MACROD2: variants seen among roughly 807,000 people sequenced by gnomAD.
MACROD2 encodes mono-ADP ribosylhydrolase 2, also known as ADP-ribose glycohydrolase MACROD2.
A neutral mutation model predicts 70.4 loss-of-function variants in MACROD2; 36 were observed. The ratio of observed to expected loss-of-function variants is 0.51; its 90% CI spans 0.39 to 0.68. MACROD2 has a LOEUF of 0.68. Among genes scored for constraint, MACROD2 ranks in the 30% least tolerant of loss-of-function variants. The pLI is 0.00. For synonymous variants in MACROD2, 172 were observed against 178.8 expected (o/e 0.96, Z 0.30); for missense variants, 496 against 538.4 (o/e 0.92, Z 0.78).
At chr20:15,033,957 A>G (rs1292198610) in intron 5 of MACROD2, among the ~76,000 whole-genome samples, 2 of 152,200 alleles carry the variant, frequency 1.3e-5, no homozygotes, top group Non-Finnish European at 2.9e-5. Flanking sequence ...GGCAAATGAT[A>G]GTCTAACAAC....
At chr20:14,877,732 A>G (rs761846473) in intron 5 of MACROD2, among the ~76,000 whole-genome samples, 1 of 152,066 alleles carries the variant, frequency 6.6e-6, no homozygotes, top group Non-Finnish European at 1.5e-5. Context: ...TGAGAGGATC[A>G]TATGGTTTTT....
At chr20:15,557,207 A>G (rs1280417224) in intron 8 of MACROD2, among the ~76,000 whole-genome samples, 1 of 145,200 alleles carries the variant, frequency 6.9e-6, no homozygotes, top group Non-Finnish European at 1.5e-5. Flanking sequence ...AAATTTGGAG[A>G]TTCCTTAAAA....
intron 5 of MACROD2, among the ~76,000 whole-genome samples, chr20:15,036,952 T>A (rs1336006449): frequency 6.6e-6 from 1 of 151,712 alleles, no homozygotes; most frequent in East Asian, 1.9e-4. Flanking sequence ...TAATAGATAA[T>A]TATAAAATAA....
intron 8 of MACROD2, among the ~76,000 whole-genome samples, chr20:15,858,628 A>G (rs1436113413): frequency 6.6e-6 from 1 of 152,186 alleles, no homozygotes; most frequent in Non-Finnish European, 1.5e-5. Context: ...ATTTAGCAGG[A>G]TTGACCTGTT....
At chr20:14,677,987 A>C (rs1197488415) in intron 4 of MACROD2, among the ~76,000 whole-genome samples, 4 of 152,238 alleles carry the variant, frequency 2.6e-5, no homozygotes, top group African/African-American at 9.6e-5. Flanking sequence ...GTATTTGTTA[A>C]GGCAAACTGG....
intron 6 of MACROD2, among the ~76,000 whole-genome samples, chr20:15,367,683 CAA>C (rs2045431016): frequency 6.6e-6 from 1 of 151,852 alleles, no homozygotes; most frequent in South Asian, 2.1e-4. Context: ...ATTATAAAAG[CAA>C]AGATTTTTTT....
intron 13 of MACROD2, among the ~76,000 whole-genome samples, chr20:15,979,612 T>G (rs991042669): frequency 2.0e-5 from 3 of 152,144 alleles, no homozygotes; most frequent in African/African-American, 7.2e-5. Context: ...TCTAGAATGT[T>G]TTTTAAAAAA....
chr20:14,215,508 T>C (rs2081613368), intron 3 of MACROD2, among the ~76,000 whole-genome samples: 1 of 152,130 alleles, frequency 6.6e-6, no homozygotes, highest in Non-Finnish European at 1.5e-5. Flanking sequence ...CTTATTTTCC[T>C]CTGGGTAGGT....
At chr20:14,006,656 A>G (rs1382035015) in intron 2 of MACROD2, among the ~76,000 whole-genome samples, 2 of 152,164 alleles carry the variant, frequency 1.3e-5, no homozygotes, top group African/African-American at 2.4e-5. Flanking sequence ...CAAGGTCCAT[A>G]TATTGCATTT....
intron 10 of MACROD2, among the ~76,000 whole-genome samples, chr20:15,929,826 T>C (rs1038794043): frequency 1.8e-4 from 28 of 152,344 alleles, no homozygotes; most frequent in African/African-American, 6.7e-4. Context: ...ATTTTATTTC[T>C]ATAAAATTTC....
intron 3 of MACROD2, among the ~76,000 whole-genome samples, chr20:14,118,070 C>T (rs1240676445): frequency 6.6e-6 from 1 of 152,118 alleles, no homozygotes; most frequent in Admixed American, 6.5e-5. Context: ...AACATGTGAG[C>T]TAATAAATGA....
At chr20:15,369,739 GATTTAAAAGACTGTAATTAGAATT>G (rs1439872947) in intron 6 of MACROD2, among the ~76,000 whole-genome samples, 1 of 152,146 alleles carries the variant, frequency 6.6e-6, no homozygotes, top group African/African-American at 2.4e-5. Context: ...CTACAGCGTT[GATTTAAAAGACTGTAATTAGAATT>G]AGGTTCCGAT....
At chr20:15,796,295 G>A (rs888904167) in intron 8 of MACROD2, among the ~76,000 whole-genome samples, 1 of 152,156 alleles carries the variant, frequency 6.6e-6, no homozygotes, top group Non-Finnish European at 1.5e-5. Flanking sequence ...CTGCTAAGAC[G>A]CAAGGCAGAT....
intron 5 of MACROD2, among the ~76,000 whole-genome samples, chr20:14,854,345 G>T (rs1272304350): frequency 6.6e-6 from 1 of 152,060 alleles, no homozygotes; most frequent in African/African-American, 2.4e-5. Context: ...AATGGGATCT[G>T]GGAGCCTTGT....
chr20:14,628,870 C>T (rs1984344750), intron 4 of MACROD2: 1 of 152,190 alleles, frequency 6.6e-6, no homozygotes, highest in South Asian at 2.1e-4. Context: ...AGTGTGGTCT[C>T]TTACCCAAGA....
At chr20:14,975,847 G>T (rs1392575555) in intron 5 of MACROD2, among the ~76,000 whole-genome samples, 1 of 152,136 alleles carries the variant, frequency 6.6e-6, no homozygotes, top group African/African-American at 2.4e-5. Context: ...AGCAAAAGAA[G>T]GATGCGTGCA....
At chr20:15,923,051 C>G (rs923911622) in intron 10 of MACROD2, among the ~76,000 whole-genome samples, 1 of 152,106 alleles carries the variant, frequency 6.6e-6, no homozygotes, top group Non-Finnish European at 1.5e-5. Context: ...GGACAATGAA[C>G]AATGCAGTAA....
At chr20:15,655,699 G>T (rs1405639639) in intron 8 of MACROD2, among the ~76,000 whole-genome samples, 2 of 152,086 alleles carry the variant, frequency 1.3e-5, no homozygotes, top group African/African-American at 4.8e-5. Context: ...TATTTAATCT[G>T]TCAAGGAAAA....
chr20:15,897,064 A>G (rs59207260), intron 10 of MACROD2, among the ~76,000 whole-genome samples: 190 of 152,294 alleles, frequency 1.2e-3, no homozygotes, highest in African/African-American at 4.4e-3. Flanking sequence ...TTAATAAAGC[A>G]TACTTTTCTC....
Sources: gnomAD v4.1 joint callset for allele counts (sites outside exome capture counted in the v4.1 genomes callset) on GRCh38, gnomAD v4.1.1 for gene constraint, MANE v1.5 for transcripts, NCBI Gene and HGNC (gene_info 2026-07-23, HGNC 2026-07-21) for gene names.